CAMTA1: variants seen among roughly 807,000 people sequenced by gnomAD.
The protein encoded by CAMTA1 is calmodulin binding transcription activator 1, also known as calmodulin-binding transcription activator 1.
Under a neutral mutation model 170.9 loss-of-function variants are expected in CAMTA1, and 27 were observed. The observed-to-expected ratio is 0.16, with a 90% confidence interval of 0.12 to 0.22. The LOEUF (loss-of-function observed/expected upper bound fraction) is 0.22. CAMTA1 is among the 10% of genes least tolerant of loss of function. The probability of loss-of-function intolerance (pLI) is 1.00; values close to 1 mark genes in which losing one functional copy is unlikely to be tolerated. For missense variants in CAMTA1, 1,619 were observed against 2,217.2 expected, an observed-to-expected ratio of 0.73 and a Z score of 5.42; for synonymous variants, 833 against 891.5, an observed-to-expected ratio of 0.93 and a Z score of 1.17.
Position 6,962,693 on chromosome 1 carries a change from C to G in CAMTA1, c.235-128611C>G, listed in dbSNP as rs1572062145. ...TTCCACCCACCCACGTGGCCCCACC[C>G]ACTCCCTGCCTTTTATCCTGCCCCT... On this transcript the variant is annotated intron_variant, in intron 3 of 22. Transcript: ENST00000303635. 2.0e-5 allele frequency among the ~76,000 whole-genome samples: 3 copies of G among 151,174 alleles called. No homozygotes were observed. In the East Asian group the frequency reaches 6.0e-4, roughly 30 times the overall value.
In CAMTA1 at chr1:7,713,906, T is replaced by C. The variant is rs563271462; in HGVS notation, c.2915-18542T>C. Among the ~76,000 whole-genome samples, 87 of 152,306 alleles carry C rather than the reference T, an allele frequency of 5.7e-4. 1 individual carries two copies. The South Asian group carries it at 0.018, about 31-fold the overall frequency. The stretch of plus-strand genomic sequence containing the variant: ...AAATTTCTCTTATCTGTATATTTCA[T>C]ATCAGCATAGGGGATATTGCCCGGT... On this transcript the variant is annotated intron_variant, in intron 11 of 22. Transcript: ENST00000303635.
Position 7,460,403 on chromosome 1 carries a change from C to A in CAMTA1, c.439-7427C>A, listed in dbSNP as rs867889572. ...TCTTTGATTTGGTCTCGTGTGTTTG[C>A]CCGGCATGTACACGCTCTCTATCTC... On this transcript the variant is annotated intron_variant, in intron 5 of 22. Transcript: ENST00000303635. Among the ~76,000 whole-genome samples the A allele has an allele frequency of 7.9e-5, 12 of 152,262 alleles. No individual in the cohort carries two copies. In the South Asian group the frequency reaches 2.5e-3, roughly 32 times the overall value.
At chr1:7,684,078 G>C (rs2096237688) in intron 11 of CAMTA1, among the ~76,000 whole-genome samples, 1 of 152,180 alleles carries the variant, frequency 6.6e-6, no homozygotes, top group African/African-American at 2.4e-5. Context: ...CTTGGAGCTG[G>C]GTCCCATCCG....
At chr1:7,331,751 TG>T (rs973271587) in intron 5 of CAMTA1, among the ~76,000 whole-genome samples, 2 of 152,200 alleles carry the variant, frequency 1.3e-5, no homozygotes, top group African/African-American at 4.8e-5. Flanking sequence ...CAGTTCCTCT[TG>T]GTTTTCTACC....
Position 7,144,198 on chromosome 1 carries a change from G to C in CAMTA1, c.302+52827G>C, listed in dbSNP as rs1008941574. 6.6e-6 allele frequency among the ~76,000 whole-genome samples: 1 copy of C among 152,106 alleles called. No individual in the cohort carries two copies. The highest frequency in any genetic ancestry group is 1.9e-4 in the East Asian group (1 of 5,198). On this transcript the variant is annotated intron_variant, in intron 4 of 22. Coordinates refer to ENST00000303635, the MANE Select transcript of CAMTA1 (RefSeq NM_015215.4). This position sits in a 1 kb window ranked among gnomAD's most constrained non-coding sequence, Gnocchi z 4.0. ...AGGGCTCTCTTTCTGGCTTGTGGAC[G>C]ACTGCCTTCTTGCTATGTCCTCAGA... is the stretch of plus-strand genomic sequence containing the variant.
At chr1:7,657,670 G>A (rs1454740243) in intron 7 of CAMTA1, among the ~76,000 whole-genome samples, 2 of 152,134 alleles carry the variant, frequency 1.3e-5, no homozygotes, top group Non-Finnish European at 2.9e-5. Context: ...TTCCGTGTTG[G>A]GAAGCAGAGC....
intron 5 of CAMTA1, among the ~76,000 whole-genome samples, chr1:7,408,949 T>C (rs951522174): frequency 2.0e-5 from 3 of 152,176 alleles, no homozygotes; most frequent in African/African-American, 7.2e-5. Flanking sequence ...CCTGCCCATA[T>C]GAAAGCAACA....
chr1:7,597,012 C>T (rs60258033), intron 6 of CAMTA1, among the ~76,000 whole-genome samples: 32 of 152,304 alleles, frequency 2.1e-4, no homozygotes, highest in African/African-American at 7.5e-4. Flanking sequence ...CTGTAATCCC[C>T]TTGTGGCCCC....
At chr1:7,131,304 G>A (rs899188309) in intron 4 of CAMTA1, among the ~76,000 whole-genome samples, 2 of 151,866 alleles carry the variant, frequency 1.3e-5, no homozygotes, top group Non-Finnish European at 2.9e-5. Context: ...TTTAAATTTC[G>A]GTGAAGTAAA....
chr1:7,752,665 A>G (rs1475921910), intron 21 of CAMTA1, 132 bp downstream of exon 21: 35 of 661,572 alleles, frequency 5.3e-5, no homozygotes, highest in East Asian at 4.2e-4. Flanking sequence ...CCAAATTACA[A>G]TAGGGCGGTA....
chr1:6,900,688 G>T (rs1676744007), intron 3 of CAMTA1, among the ~76,000 whole-genome samples: 1 of 152,158 alleles, frequency 6.6e-6, no homozygotes, highest in Admixed American at 6.6e-5. Flanking sequence ...ATTTACAGTA[G>T]CTTCAAAAAC....
rs1347638834 is a variant in CAMTA1 at position 7,415,372 on chromosome 1, C to A, written c.439-52458C>A. Among the ~76,000 whole-genome samples, 6 of 151,674 alleles carry A rather than the reference C, an allele frequency of 4.0e-5. No homozygotes were observed. The Middle Eastern group carries it at 0.01, about 260-fold the overall frequency. On this transcript the variant is annotated intron_variant, in intron 5 of 22. Transcript: ENST00000303635. ...TTGACAGTGGGGTGTTAAATTCTCC[C>A]ATTATTATTGTGTGGGAGTCTAAGT...
chr1:7,104,306 A>C (rs1027690041), intron 4 of CAMTA1, among the ~76,000 whole-genome samples: 1 of 152,170 alleles, frequency 6.6e-6, no homozygotes, highest in Non-Finnish European at 1.5e-5. Flanking sequence ...CAATGCATGC[A>C]TGCAGCACAG....
At chr1:6,963,006 C>A (rs1325452117) in intron 3 of CAMTA1, among the ~76,000 whole-genome samples, 1 of 151,086 alleles carries the variant, frequency 6.6e-6, no homozygotes, top group Non-Finnish European at 1.5e-5. Flanking sequence ...CCACCTTCCA[C>A]CCTGGCCCCG....
chr1:7,678,931 G>A lies in CAMTA1; in HGVS notation c.2914+1198G>A, dbSNP rs550769232. 1.0e-3 allele frequency among the ~76,000 whole-genome samples: 155 copies of A among 152,338 alleles called. 1 individual carries two copies. Among genetic ancestry groups the A allele is most frequent in the African/African-American group, 3.4e-3 (143 of 41,582 alleles). On this transcript the variant is annotated intron_variant, in intron 11 of 22. Transcript: ENST00000303635. ...TAGTTCATTTCCTGAACCACCCAGTGTGTAAACCTCAGCCTTATCCCAGTC... is the reference window on the plus strand; with the variant it reads ...TAGTTCATTTCCTGAACCACCCAGTATGTAAACCTCAGCCTTATCCCAGTC...
intron 3 of CAMTA1, among the ~76,000 whole-genome samples, chr1:6,935,637 C>T (rs976872234): frequency 2.0e-5 from 3 of 152,174 alleles, no homozygotes; most frequent in Non-Finnish European, 2.9e-5. Flanking sequence ...TCTAATCCGC[C>T]CGACATCACA....
chr1:7,635,423 C>T lies in CAMTA1; in HGVS notation c.511-4977C>T, dbSNP rs147766281. ...GACACCGAGACTATCCTGGCTAACACGGTGAAACCCCGTCTCTACTAAAAA... is the reference window on the plus strand; with the variant it reads ...GACACCGAGACTATCCTGGCTAACATGGTGAAACCCCGTCTCTACTAAAAA... On this transcript the variant is annotated intron_variant, in intron 6 of 22. Coordinates refer to ENST00000303635, the MANE Select transcript of CAMTA1 (RefSeq NM_015215.4). This position sits in a 1 kb window ranked among gnomAD's most constrained non-coding sequence, Gnocchi z 4.4. 1.4e-3 allele frequency among the ~76,000 whole-genome samples: 220 copies of T among 152,076 alleles called. 1 individual carries two copies. The highest frequency in any genetic ancestry group is 5.0e-3 in the African/African-American group (207 of 41,458).
At chr1:7,133,298 T>A (rs904902249) in intron 4 of CAMTA1, among the ~76,000 whole-genome samples, 2 of 152,358 alleles carry the variant, frequency 1.3e-5, no homozygotes, top group East Asian at 3.9e-4. Context: ...TAAGTCTTTA[T>A]GAATAATCTT....
intron 3 of CAMTA1, among the ~76,000 whole-genome samples, chr1:6,849,064 G>A (rs1447669474): frequency 1.3e-5 from 2 of 152,138 alleles, no homozygotes; most frequent in East Asian, 3.9e-4. Flanking sequence ...CTGCTTTTAG[G>A]CAGATAAGGG....
Sources: gnomAD v4.1 joint callset for allele counts (sites outside exome capture counted in the v4.1 genomes callset) on GRCh38, gnomAD v4.1.1 for gene constraint, Gnocchi (gnomAD v3.1) non-coding constraint, MANE v1.5 for transcripts, NCBI Gene and HGNC (gene_info 2026-07-23, HGNC 2026-07-21) for gene names.